Variants in LEMD3 observed in about 807,000 individuals in gnomAD.
LEMD3 encodes the protein LEM domain containing 3, also known as inner nuclear membrane protein Man1.
A neutral mutation model predicts 95.2 loss-of-function variants in LEMD3; 33 were observed. That is an observed-to-expected ratio of 0.35 (90% CI 0.26 to 0.46). LEMD3 has a LOEUF of 0.46. LEMD3 is among the 20% of genes least tolerant of loss of function. The pLI is 1.00. For synonymous variants in LEMD3, 525 were observed against 474.6 expected, an observed-to-expected ratio of 1.11 and a Z score of -1.38; for missense variants, 1,210 against 1,192.8, an observed-to-expected ratio of 1.01 and a Z score of -0.21.
In LEMD3 at chr12:65,244,134, A is replaced by G. The variant is rs1425691164; in HGVS notation, c.2387+665A>G. On this transcript the variant is annotated intron_variant, in intron 10 of 12. Coordinates refer to ENST00000308330, the MANE Select transcript of LEMD3 (RefSeq NM_014319.5). ...TTCTGTTTGTTTTAAAAGTCCCAAC[A>G]GTGGCAATTACAATATGTATACAAT... Among the ~76,000 whole-genome samples the G allele has an allele frequency of 2.0e-5, 3 of 152,214 alleles. No individual in the cohort carries two copies. The East Asian group carries it at 5.8e-4, about 29-fold the overall frequency.
intron 1 of LEMD3, among the ~76,000 whole-genome samples, chr12:65,188,581 A>G (rs1285762867): frequency 2.0e-5 from 3 of 152,160 alleles, no homozygotes; most frequent in Non-Finnish European, 4.4e-5. Context: ...GTTTGCTTAC[A>G]GAGGAGTTCT....
intron 2 of LEMD3, among the ~76,000 whole-genome samples, chr12:65,215,611 C>T (rs1273340847): frequency 6.6e-6 from 1 of 152,108 alleles, no homozygotes; most frequent in Non-Finnish European, 1.5e-5. Context: ...ACATGAAGGG[C>T]AGCCTTGATG....
chr12:65,213,112 A>AGATG lies in LEMD3; in HGVS notation c.1560+2152_1560+2153insGGAT, dbSNP rs1379349982. 2.5e-4 allele frequency among the ~76,000 whole-genome samples: 38 copies of AGATG among 151,752 alleles called. 5 individuals are homozygous for AGATG. The highest frequency in any genetic ancestry group is 1.0e-3 in the Admixed American group (16 of 15,276). On this transcript the variant is annotated intron_variant, in intron 2 of 12. Transcript: ENST00000308330. ...AAGATAGATAGATAGATAGATAGATAGATAAAGTAAATAGTATATCTCATA... is the reference window on the plus strand; with the variant it reads ...AAGATAGATAGATAGATAGATAGATAGATGGATAAAGTAAATAGTATATCTCATA...
chr12:65,239,469 G>A (rs1278903959), intron 6 of LEMD3, among the ~76,000 whole-genome samples: 1 of 152,066 alleles, frequency 6.6e-6, no homozygotes, highest in Admixed American at 6.6e-5. Context: ...GATTTCTTGA[G>A]CCCAGGAGTT....
intron 7 of LEMD3, 24 bp from the exon 8 acceptor site, chr12:65,240,112 T>C: frequency 6.3e-7 from 1 of 1,585,056 alleles, no homozygotes; most frequent in Non-Finnish European, 8.7e-7. Context: ...GATTGATTCA[T>C]TTGTAAATTT....
intron 1 of LEMD3, among the ~76,000 whole-genome samples, chr12:65,191,366 TAAA>T (rs544072676): frequency 3.4e-4 from 52 of 152,086 alleles, no homozygotes; most frequent in Non-Finnish European, 6.6e-4. Flanking sequence ...TATTTTAACA[TAAA>T]AATCAAAATT....
Position 65,170,819 on chromosome 12 carries a change from A to C in LEMD3, c.1223A>C (p.Asn408Thr). Reference protein sequence around the residue: ...FSVDSPRIYSNSLPPSAAVAA... With the variant: ...FSVDSPRIYSTSLPPSAAVAA... Reference sequence around the variant, plus strand: ...GTGGACTCCCCCAGGATTTATTCTAACAGTCTCCCTCCCAGTGCGGCGGTG... The same window carrying C: ...GTGGACTCCCCCAGGATTTATTCTACCAGTCTCCCTCCCAGTGCGGCGGTG... The change falls in exon 1 of 13, where the codon AAC (asparagine) becomes ACC (threonine). Residue 408 changes from asparagine (N) to threonine (T), a missense_variant. By Grantham distance (65) the Asn-to-Thr change is moderately conservative (BLOSUM62 0). Transcript: ENST00000308330. The C allele has an allele frequency of 6.2e-7, 1 of 1,614,188 alleles. No homozygotes were observed. Among genetic ancestry groups the C allele is most frequent in the Non-Finnish European group, 8.5e-7 (1 of 1,180,032 alleles).
In LEMD3 at chr12:65,170,097, C is replaced by T. The variant is rs958779954; in HGVS notation, c.501C>T (p.Tyr167=). The change falls in exon 1 of 13, where the codon TAC becomes TAT. Residue 167 remains tyrosine (Y), a synonymous_variant. Transcript: ENST00000308330. ...GGRKDRASLQ[Y]RGLKAPPAPL... is the part of the protein sequence containing the mutation. Reference sequence around the variant, plus strand: ...GGAAAGACCGGGCTTCGCTCCAGTACCGCGGGCTCAAAGCGCCGCCGGCGC... The same window carrying T: ...GGAAAGACCGGGCTTCGCTCCAGTATCGCGGGCTCAAAGCGCCGCCGGCGC... 2.6e-5 allele frequency: 38 copies of T among 1,468,984 alleles called. No homozygotes were observed. The highest frequency in any genetic ancestry group is 3.2e-5 in the Non-Finnish European group (36 of 1,119,194). The allele number at this position is 1,468,984 out of a possible 1,614,324, so 91.0% of individuals were successfully genotyped here. A position where few individuals can be genotyped will look rare whatever the true frequency, so the allele number is the denominator to read the frequency against.
chr12:65,193,732 C>CTGTG (rs746675293), intron 1 of LEMD3, among the ~76,000 whole-genome samples: 38,716 of 129,142 alleles, frequency 0.3, 6,558 homozygotes, highest in Non-Finnish European at 0.4. Context: ...ACATAACTGG[C>CTGTG]TGTGTGTGTG....
At chr12:65,228,676 G>A (rs972780482) in intron 4 of LEMD3, among the ~76,000 whole-genome samples, 14 of 152,146 alleles carry the variant, frequency 9.2e-5, no homozygotes, top group African/African-American at 2.4e-4. Flanking sequence ...GATTACAGGC[G>A]TGAGCCACCG....
intron 1 of LEMD3, among the ~76,000 whole-genome samples, chr12:65,198,173 A>G (rs546240604): frequency 3.3e-5 from 5 of 152,060 alleles, no homozygotes; most frequent in Non-Finnish European, 5.9e-5. Context: ...TTTAGTGTAA[A>G]TTTAGAGGAA....
At chr12:65,211,894 T>C (rs1869948921) in intron 2 of LEMD3, among the ~76,000 whole-genome samples, 1 of 152,202 alleles carries the variant, frequency 6.6e-6, no homozygotes, top group Non-Finnish European at 1.5e-5. Flanking sequence ...TTCTGAATAA[T>C]AGTAACAATT....
At chr12:65,216,612 A>G (rs1239160757) in intron 3 of LEMD3, among the ~76,000 whole-genome samples, 1 of 151,560 alleles carries the variant, frequency 6.6e-6, no homozygotes, top group East Asian at 1.9e-4. Context: ...CAGCTTATCT[A>G]TTACCTTTTT....
chr12:65,170,265 G>C lies in LEMD3; in HGVS notation c.669G>C (p.Glu223Asp), dbSNP rs1370092832. 36 of 1,562,606 alleles carry C rather than the reference G, an allele frequency of 2.3e-5. No individual in the cohort carries two copies. The highest frequency in any genetic ancestry group is 2.9e-5 in the Non-Finnish European group (34 of 1,153,128). The change falls in exon 1 of 13, where the codon GAG becomes GAC. Residue 223 changes from glutamate to aspartate, a missense_variant. Physicochemically the swap from Glu to Asp is conservative, Grantham distance 45. Coordinates refer to ENST00000308330, the MANE Select transcript of LEMD3 (RefSeq NM_014319.5). ...GAGCAGTGGAGGACGAGGAAGGGGA[G>C]GGAGAGGACGGTGAGGAGAGGGACC... The part of the protein sequence containing the change: ...KDGAVEDEEG[E>D]GEDGEERDPE...
intron 4 of LEMD3, among the ~76,000 whole-genome samples, chr12:65,230,176 G>T (rs368153529): frequency 2.0e-5 from 3 of 152,102 alleles, no homozygotes; most frequent in African/African-American, 4.8e-5. Context: ...CTGCTTTTAT[G>T]CCAGTACCAT....
intron 10 of LEMD3, 75 bp downstream of exon 10, chr12:65,243,544 A>G (rs961596472): frequency 2.4e-6 from 2 of 844,608 alleles, no homozygotes; most frequent in Admixed American, 1.7e-5. Flanking sequence ...TATTCTTATA[A>G]TGGTGTGTCT....
At position 65,170,771 on chromosome 12, in the gene LEMD3, A is replaced by C; in HGVS notation, c.1175A>C (p.His392Pro). ...STGSLLKTNNHIGGGAFSVDS... is the reference protein window; with the variant it reads ...STGSLLKTNNPIGGGAFSVDS... ...GGCTCCCTTCTGAAAACCAATAATC[A>C]TATTGGCGGTGGGGCCTTCAGTGTG... The change falls in exon 1 of 13, where the codon CAT becomes CCT. Residue 392 changes from histidine to proline, a missense_variant. By Grantham distance (77) the His-to-Pro change is moderately conservative. Coordinates refer to ENST00000308330, the MANE Select transcript of LEMD3 (RefSeq NM_014319.5). The C allele has an allele frequency of 6.2e-7, 1 of 1,614,124 alleles. No homozygotes were observed. Among genetic ancestry groups the C allele is most frequent in the Non-Finnish European group, 8.5e-7 (1 of 1,179,998 alleles).
At chr12:65,221,883 G>A (rs1870303283) in intron 4 of LEMD3, among the ~76,000 whole-genome samples, 1 of 151,786 alleles carries the variant, frequency 6.6e-6, no homozygotes, top group South Asian at 2.1e-4. Flanking sequence ...TGGGATTACA[G>A]GTGTGTGCCA....
intron 4 of LEMD3, among the ~76,000 whole-genome samples, chr12:65,237,327 T>C (rs1244688707): frequency 6.6e-6 from 1 of 152,182 alleles, no homozygotes; most frequent in Non-Finnish European, 1.5e-5. Context: ...GATGTTTTAG[T>C]TGAAGTATGT....
Sources: allele counts gnomAD v4.1 joint callset (sites outside exome capture counted in the v4.1 genomes callset), GRCh38; gene constraint gnomAD v4.1.1; transcripts MANE v1.5; gene names NCBI Gene and HGNC (gene_info 2026-07-23, HGNC 2026-07-21).